IWS1: variants seen among roughly 807,000 people sequenced by gnomAD.
IWS1 encodes the protein interacts with SUPT6H, CTD assembly factor 1.
In IWS1, 27 loss-of-function variants were observed where a neutral mutation model predicts 86.7. That is an observed-to-expected ratio of 0.31 (90% CI 0.23 to 0.43). The LOEUF is 0.43. Ranked by LOEUF, IWS1 falls within the 20% of genes least tolerant of loss-of-function variation. The probability of loss-of-function intolerance (pLI) is 1.00; values close to 1 mark genes in which losing one functional copy is unlikely to be tolerated. For synonymous variants in IWS1, 313 were observed against 335.1 expected (o/e 0.93, Z 0.72); for missense variants, 827 against 1,000.8 (o/e 0.83, Z 2.34).
At chr2:127,512,852 A>G (rs1180943187) in intron 2 of IWS1, among the ~76,000 whole-genome samples, 1 of 152,250 alleles carries the variant, frequency 6.6e-6, no homozygotes, top group Non-Finnish European at 1.5e-5. Flanking sequence ...ACATTCAAAA[A>G]TGTTTATTGA....
intron 13 of IWS1, 162 bp downstream of exon 13, chr2:127,486,391 C>A: frequency 1.8e-6 from 1 of 559,432 alleles, no homozygotes; most frequent in African/African-American, 1.9e-5. Context: ...CTTTTCCTTT[C>A]TCTATTGCTC....
At chr2:127,481,444 G>T (rs777559) in intron 13 of IWS1, among the ~76,000 whole-genome samples, 3 of 151,558 alleles carry the variant, frequency 2.0e-5, no homozygotes, top group African/African-American at 2.4e-5. Flanking sequence ...TGGGAGAAAG[G>T]GGGGGGGAAA....
At chr2:127,481,819 G>A (rs545710744) in intron 13 of IWS1, among the ~76,000 whole-genome samples, 1 of 152,256 alleles carries the variant, frequency 6.6e-6, no homozygotes, top group East Asian at 1.9e-4. Flanking sequence ...TCCAAGCACA[G>A]AGGCTGAGCA....
intron 13 of IWS1, among the ~76,000 whole-genome samples, chr2:127,483,862 T>C (rs1449161013): frequency 6.6e-6 from 1 of 152,184 alleles, no homozygotes; most frequent in Non-Finnish European, 1.5e-5. Context: ...AGTATAATTT[T>C]AATTAACGTT....
intron 12 of IWS1, among the ~76,000 whole-genome samples, chr2:127,487,107 T>C (rs1689970032): frequency 6.6e-6 from 1 of 152,232 alleles, no homozygotes; most frequent in African/African-American, 2.4e-5. Flanking sequence ...AAGTAGTTTT[T>C]CAATATACAA....
Position 127,489,844 on chromosome 2 carries a change from C to T in IWS1, c.2147G>A (p.Arg716Gln), listed in dbSNP as rs765053803. ...QRDLEQMPQR[R>Q]RMNSTGGQTP... ...TGTTCCCTCATACCTGTTCATTCTT[C>T]GTCGTTGAGGCATCTGTTCTAGATC... is the stretch of plus-strand genomic sequence containing the variant. The change falls in exon 11 of 14, where the codon CGA becomes CAA. Residue 716 changes from arginine (R) to glutamine (Q), a missense_variant. Around this residue, in one of 2 missense-constraint regions of IWS1, gnomAD observed 279 missense variants for 440.6 expected, o/e 0.63. Transcript: ENST00000295321. This position sits in a 1 kb window ranked among gnomAD's most constrained non-coding sequence, Gnocchi z 4.8. 35 of 1,595,650 alleles carry T rather than the reference C, an allele frequency of 2.2e-5. No homozygotes were observed. Among genetic ancestry groups the T allele is most frequent in the South Asian group, 3.3e-5 (3 of 90,712 alleles).
intron 2 of IWS1, among the ~76,000 whole-genome samples, chr2:127,513,402 T>C (rs1478212898): frequency 3.3e-5 from 5 of 152,228 alleles, no homozygotes; most frequent in African/African-American, 7.2e-5. Context: ...GTAAAACTTC[T>C]ATAGGCTTCT....
rs1013853896 is a variant in IWS1 at position 127,526,438 on chromosome 2, G to A, written c.-230C>T. The A allele has an allele frequency of 4.6e-6, 7 of 1,535,040 alleles. No homozygotes were observed. The Admixed American group carries it at 7.9e-5, about 17-fold the overall frequency. Reference sequence around the variant, plus strand: ...GGCAGGCTGGCGGGCGGGCAGGCATGCGAGCCGGCGTTCTACTTCCTAGAA... The same window carrying A: ...GGCAGGCTGGCGGGCGGGCAGGCATACGAGCCGGCGTTCTACTTCCTAGAA... On this transcript the variant is annotated 5_prime_UTR_variant, in exon 1 of 14. Coordinates refer to ENST00000295321, the MANE Select transcript of IWS1 (RefSeq NM_017969.3).
In IWS1 at chr2:127,505,266, T is replaced by C. The variant is rs745342360; in HGVS notation, c.637A>G (p.Ser213Gly). The stretch of plus-strand genomic sequence containing the variant: ...ACCTGAGGTTTAGGAAGCTCCTCAC[T>C]TTCAGAATCACTCATTCGAGGTTTG... Reference protein sequence around the residue: ...PPKPRMSDSESEELPKPQVSD... With the variant: ...PPKPRMSDSEGEELPKPQVSD... Residue 213 changes from serine to glycine, a missense_variant, in exon 3 of 14, where the codon AGT (serine) becomes GGT (glycine). This residue lies in a region of IWS1 where 548 missense variants were observed against 560.2 expected (regional missense o/e 0.98). Transcript: ENST00000295321. The surrounding 1 kb of genome is among the most constrained non-coding windows in gnomAD (Gnocchi z 5.0). 3.7e-6 allele frequency: 6 copies of C among 1,613,774 alleles called. No homozygotes were observed. The African/African-American group carries it at 8.0e-5, about 22-fold the overall frequency.
intron 6 of IWS1, 53 bp from the exon 7 acceptor site, chr2:127,496,201 T>C: frequency 6.4e-7 from 1 of 1,555,398 alleles, no homozygotes; most frequent in Non-Finnish European, 8.7e-7. Context: ...TAAATACACA[T>C]TTACTTTCAC....
chr2:127,499,799 G>A lies in IWS1; in HGVS notation c.1468-1562C>T, dbSNP rs13416129. Among the ~76,000 whole-genome samples the A allele has an allele frequency of 3.8e-3, 579 of 151,766 alleles. 3 individuals are homozygous for A. The highest frequency in any genetic ancestry group is 0.013 in the African/African-American group (540 of 41,352). On this transcript the variant is annotated intron_variant, in intron 5 of 13. Transcript: ENST00000295321. This position sits in a 1 kb window ranked among gnomAD's most constrained non-coding sequence, Gnocchi z 4.0. ...TTAAGCAGGGTTTAAGTTTCTGAGCGGCAAACAGATTGGAAAATATATACA... is the reference window on the plus strand; with the variant it reads ...TTAAGCAGGGTTTAAGTTTCTGAGCAGCAAACAGATTGGAAAATATATACA...
chr2:127,482,868 A>T (rs1217399639), intron 13 of IWS1: 2 of 152,226 alleles, frequency 1.3e-5, no homozygotes, highest in Non-Finnish European at 2.9e-5. Context: ...TGTGTGCTAC[A>T]CTGCTTTACC....
chr2:127,523,644 A>G (rs1692231895), intron 2 of IWS1, 32 bp downstream of exon 2: 1 of 1,409,158 alleles, frequency 7.1e-7, no homozygotes, highest in Non-Finnish European at 1.0e-6. Context: ...CGCAAGGGAA[A>G]AGCCCTCCCA....
intron 2 of IWS1, among the ~76,000 whole-genome samples, chr2:127,518,447 G>A (rs1691895956): frequency 6.6e-6 from 1 of 152,088 alleles, no homozygotes; most frequent in African/African-American, 2.4e-5. Flanking sequence ...GTGGGAGGTT[G>A]AGGCTGCAGT....
At position 127,505,056 on chromosome 2, in the gene IWS1, T is replaced by C. The variant is rs1467245766; in HGVS notation, c.847A>G (p.Arg283Gly). ...ISDSESEDPP[R>G]NQASDSENEE... Reference sequence around the variant, plus strand: ...TTTTCCGAATCACTGGCCTGGTTCCTTGGGGGATCCTCACTTTCCGAATCA... The same window carrying C: ...TTTTCCGAATCACTGGCCTGGTTCCCTGGGGGATCCTCACTTTCCGAATCA... The change falls in exon 3 of 14, where the codon AGG (arginine) becomes GGG (glycine). Residue 283 changes from arginine (R) to glycine (G), a missense_variant. By Grantham distance (125) the Arg-to-Gly change is moderately radical. Transcript: ENST00000295321. This position sits in a 1 kb window ranked among gnomAD's most constrained non-coding sequence, Gnocchi z 5.0. The C allele has an allele frequency of 2.5e-6, 4 of 1,612,422 alleles. No homozygotes were observed. In the South Asian group the frequency reaches 4.4e-5, roughly 18 times the overall value.
chr2:127,498,288 T>C, intron 5 of IWS1, 51 bp from the exon 6 acceptor site: 3 of 1,551,856 alleles, frequency 1.9e-6, no homozygotes, highest in East Asian at 2.3e-5. Context: ...CTGTATTAAG[T>C]GTTCTTAATA....
Position 127,505,628 on chromosome 2 carries a change from T to A in IWS1, c.275A>T (p.Asp92Val), listed in dbSNP as rs766612738. The A allele has an allele frequency of 1.2e-6, 2 of 1,613,186 alleles. No individual in the cohort carries two copies. Among genetic ancestry groups the A allele is most frequent in the Non-Finnish European group, 1.7e-6 (2 of 1,179,700 alleles). ...ACGTTCCTCAGATTCAGAGTCGCTG[T>A]CCTTTTGCCTGTGAAGCTCCTCACT... ...SESEELHRQK[D>V]SDSESEERAE... Residue 92 changes from aspartate to valine, a missense_variant, in exon 3 of 14, where the codon GAC becomes GTC. By Grantham distance (152) the Asp-to-Val change is radical (BLOSUM62 -3). Around this residue, in one of 2 missense-constraint regions of IWS1, gnomAD observed 548 missense variants for 560.2 expected, o/e 0.98. Coordinates refer to ENST00000295321, the MANE Select transcript of IWS1 (RefSeq NM_017969.3). This position sits in a 1 kb window ranked among gnomAD's most constrained non-coding sequence, Gnocchi z 5.0.
At chr2:127,485,117 G>A (rs907561990) in intron 13 of IWS1, among the ~76,000 whole-genome samples, 1 of 151,746 alleles carries the variant, frequency 6.6e-6, no homozygotes, top group Non-Finnish European at 1.5e-5. Flanking sequence ...GGGAGAGAGA[G>A]AGGAGGAAGT....
At chr2:127,510,437 C>T (rs1691386933) in intron 2 of IWS1, among the ~76,000 whole-genome samples, 1 of 152,058 alleles carries the variant, frequency 6.6e-6, no homozygotes, top group Non-Finnish European at 1.5e-5. Flanking sequence ...AACAAAGGCA[C>T]TCCTGATGAA....
Sources: gnomAD v4.1 joint callset for allele counts (sites outside exome capture counted in the v4.1 genomes callset) on GRCh38, gnomAD v4.1.1 for gene constraint, gnomAD v4.1.1 regional missense constraint, Gnocchi (gnomAD v3.1) non-coding constraint, MANE v1.5 for transcripts, NCBI Gene and HGNC (gene_info 2026-07-23, HGNC 2026-07-21) for gene names.